GIGYF2: variants seen among roughly 807,000 people sequenced by gnomAD.
The protein encoded by GIGYF2 is GRB10-interacting GYF protein 2.
GIGYF2 carries 25 observed loss-of-function variants against 208.1 expected under a neutral mutation model. That is an observed-to-expected ratio of 0.12 (90% CI 0.09 to 0.17). GIGYF2 has a LOEUF of 0.17. GIGYF2 is among the 10% of genes least tolerant of loss of function. The probability of loss-of-function intolerance (pLI) is 1.00; values close to 1 mark genes in which losing one functional copy is unlikely to be tolerated. For synonymous variants in GIGYF2, 534 were observed against 543.8 expected (o/e 0.98, Z 0.25); for missense variants, 1,302 against 1,579.4 (o/e 0.82, Z 2.98).
intron 20 of GIGYF2, among the ~76,000 whole-genome samples, chr2:232,819,468 A>G (rs143302800): frequency 6.6e-6 from 1 of 152,290 alleles, no homozygotes; most frequent in African/African-American, 2.4e-5. Flanking sequence ...TTAAGTTCCC[A>G]GTTAATTAAA....
At position 232,833,110 on chromosome 2, in the gene GIGYF2, C is replaced by T; in HGVS notation, c.2766+17C>T. ...CAGATGAAGGTAAAGCCCGAGGCAT[C>T]AACCTTAGGAGCTCCTTGCTAACAT... On this transcript the variant is annotated intron_variant, in intron 22 of 28. Coordinates refer to ENST00000373563, the MANE Select transcript of GIGYF2 (RefSeq NM_001103146.3). 1 of 1,520,286 alleles carries T rather than the reference C, an allele frequency of 6.6e-7. No homozygotes were observed. The allele number at this position is 1,520,286 out of a possible 1,614,324, so 94.2% of individuals were successfully genotyped here.
intron 3 of GIGYF2, among the ~76,000 whole-genome samples, chr2:232,745,493 G>A (rs910511822): frequency 6.6e-6 from 1 of 152,158 alleles, no homozygotes; most frequent in African/African-American, 2.4e-5. Context: ...GCTGTGAATT[G>A]AAATATATTA....
intron 8 of GIGYF2, among the ~76,000 whole-genome samples, chr2:232,786,675 T>A: frequency 6.6e-6 from 1 of 152,236 alleles, no homozygotes; most frequent in Non-Finnish European, 1.5e-5. Flanking sequence ...TTAAAAAGTA[T>A]GTGCTAGTAA....
At chr2:232,841,835 A>G (rs1001968114) in intron 23 of GIGYF2, among the ~76,000 whole-genome samples, 5 of 151,920 alleles carry the variant, frequency 3.3e-5, no homozygotes, top group Non-Finnish European at 5.9e-5. Flanking sequence ...GTTTTTCTTG[A>G]GTTCCTGTTA....
chr2:232,794,974 C>T lies in GIGYF2; in HGVS notation c.1479+30C>T, dbSNP rs570700580. 15 of 1,492,308 alleles carry T rather than the reference C, an allele frequency of 1.0e-5. No homozygotes were observed. In the South Asian group the frequency reaches 1.6e-4, roughly 16 times the overall value. The allele number at this position is 1,492,308 out of a possible 1,614,324, so 92.4% of individuals were successfully genotyped here. ...AAATCCTGTTAATTCTTTTTGTCTCCTCTTAAACTGCCGTAAGAATTAGCA... is the reference window on the plus strand; with the variant it reads ...AAATCCTGTTAATTCTTTTTGTCTCTTCTTAAACTGCCGTAAGAATTAGCA... On this transcript the variant is annotated intron_variant, in intron 13 of 28. Transcript: ENST00000373563.
chr2:232,728,284 A>T (rs1054658183), intron 2 of GIGYF2, among the ~76,000 whole-genome samples: 1 of 152,218 alleles, frequency 6.6e-6, no homozygotes, highest in Non-Finnish European at 1.5e-5. Context: ...GACGATACAT[A>T]GTAGGTTCGA....
chr2:232,785,636 G>T (rs1699885426), intron 8 of GIGYF2, among the ~76,000 whole-genome samples: 1 of 152,210 alleles, frequency 6.6e-6, no homozygotes, highest in Non-Finnish European at 1.5e-5. Flanking sequence ...AGCAGTCAGG[G>T]ATTGTTGGTG....
intron 6 of GIGYF2, 29 bp downstream of exon 6, chr2:232,756,363 T>TGGAGGA (rs545527994): frequency 8.6e-7 from 1 of 1,158,666 alleles, no homozygotes; most frequent in Non-Finnish European, 1.3e-6. Context: ...AAAGTAATAA[T>TGGAGGA]GGAGGAGGAG....
chr2:232,854,044 T>G (rs2106435942), intron 28 of GIGYF2, among the ~76,000 whole-genome samples: 1 of 152,358 alleles, frequency 6.6e-6, no homozygotes, highest in Middle Eastern at 3.4e-3. Context: ...CCACTTCTTT[T>G]GCATATAGTT....
At chr2:232,736,143 C>A in intron 3 of GIGYF2, 1 of 975,872 alleles carries the variant, frequency 1.0e-6, no homozygotes, top group Non-Finnish European at 1.2e-6. Flanking sequence ...TTATAGCCAG[C>A]ATTTGGAGAC....
At chr2:232,702,450 A>G (rs1347181052) in intron 1 of GIGYF2, among the ~76,000 whole-genome samples, 1 of 151,866 alleles carries the variant, frequency 6.6e-6, no homozygotes, top group East Asian at 1.9e-4. Context: ...AAAAAAAGAA[A>G]AAAAACTCTA....
intron 2 of GIGYF2, among the ~76,000 whole-genome samples, chr2:232,723,396 C>T (rs1201616312): frequency 3.3e-5 from 5 of 151,400 alleles, no homozygotes; most frequent in Non-Finnish European, 5.9e-5. Context: ...TCCATTCTTT[C>T]TCTTCTCTCT....
At chr2:232,820,086 G>T in intron 21 of GIGYF2, 101 bp downstream of exon 21, 1 of 1,349,290 alleles carries the variant, frequency 7.4e-7, no homozygotes, top group Non-Finnish European at 1.0e-6. Context: ...AATTTTTTCA[G>T]GTTGCTAAAA....
Position 232,760,463 on chromosome 2 carries a change from T to G in GIGYF2, c.380-17T>G. On this transcript the variant is annotated splice_polypyrimidine_tract_variant and intron_variant, in intron 6 of 28. Transcript: ENST00000373563. ...TTGACATCTGACTATCATTTTTTTC[T>G]GTTTTCTTATTTTCAGGCAGAGGCA... 6.5e-7 allele frequency: 1 copy of G among 1,532,040 alleles called. No individual in the cohort carries two copies. Among genetic ancestry groups the G allele is most frequent in the Non-Finnish European group, 9.0e-7 (1 of 1,105,388 alleles). The allele number at this position is 1,532,040 out of a possible 1,614,324, so 94.9% of individuals were successfully genotyped here.
intron 3 of GIGYF2, among the ~76,000 whole-genome samples, chr2:232,746,938 G>A (rs143168060): frequency 3.9e-5 from 6 of 152,210 alleles, no homozygotes; most frequent in African/African-American, 1.4e-4. Context: ...TATTCTAAAT[G>A]TTGTATTTGT....
intron 8 of GIGYF2, chr2:232,765,905 G>A (rs1056437805): frequency 2.3e-6 from 1 of 443,996 alleles, no homozygotes; most frequent in Non-Finnish European, 4.7e-6. Context: ...CCAAAGGAAC[G>A]TTTAAAGTTA....
intron 28 of GIGYF2, among the ~76,000 whole-genome samples, chr2:232,856,068 C>T (rs2106438215): frequency 6.6e-6 from 1 of 151,998 alleles, no homozygotes; most frequent in South Asian, 2.1e-4. Flanking sequence ...GTAGCTGGGA[C>T]TACAGGTGCC....
rs73092759 is a variant in GIGYF2, at chr2:232,706,683, C to T, written c.-44+3194C>T. 3.4e-3 allele frequency among the ~76,000 whole-genome samples: 518 copies of T among 152,124 alleles called. 4 individuals are homozygous for T. The highest frequency in any genetic ancestry group is 0.012 in the African/African-American group (503 of 41,516). On this transcript the variant is annotated intron_variant, in intron 2 of 28. Coordinates refer to ENST00000373563, the MANE Select transcript of GIGYF2 (RefSeq NM_001103146.3). ...GTCTCAGCTACTTGGGAGGCTGAGACAGAACATAATCTCTTGAACATGAGA... is the reference window on the plus strand; with the variant it reads ...GTCTCAGCTACTTGGGAGGCTGAGATAGAACATAATCTCTTGAACATGAGA...
At chr2:232,813,424 G>T (rs774313904) in intron 18 of GIGYF2, among the ~76,000 whole-genome samples, 8 of 152,126 alleles carry the variant, frequency 5.3e-5, no homozygotes, top group Non-Finnish European at 1.0e-4. Context: ...TGGCCAGTCT[G>T]GTCTCAAAGT....
Sources: gnomAD v4.1 joint callset for allele counts (sites outside exome capture counted in the v4.1 genomes callset) on GRCh38, gnomAD v4.1.1 for gene constraint, MANE v1.5 for transcripts, NCBI Gene and HGNC (gene_info 2026-07-23, HGNC 2026-07-21) for gene names.